The following TRAPPC9 variants were observed in gnomAD, a reference collection of about 807,000 sequenced individuals.
The protein encoded by TRAPPC9 is IKK2 binding protein.
TRAPPC9 carries 83 observed loss-of-function variants against 124.0 expected under a neutral mutation model. The observed-to-expected ratio is 0.67, with a 90% CI of 0.56 to 0.80. The LOEUF (loss-of-function observed/expected upper bound fraction) is 0.80, where lower values mean the gene tolerates loss of function less well. Ranked by LOEUF, TRAPPC9 falls within the 30% of genes least tolerant of loss-of-function variation. The pLI is 0.00. For missense variants in TRAPPC9, 1,302 were observed against 1,508.3 expected (o/e 0.86, Z 2.27); for synonymous variants, 638 against 617.5 (o/e 1.03, Z -0.49).
intron 9 of TRAPPC9, among the ~76,000 whole-genome samples, chr8:140,329,015 G>C (rs138759375): frequency 0.012 from 1,901 of 152,234 alleles, 38 homozygotes; most frequent in African/African-American, 0.044. Flanking sequence ...CTAAAGCACC[G>C]GAGGGTGGAG....
At chr8:140,059,344 T>G (rs542758566) in intron 17 of TRAPPC9, among the ~76,000 whole-genome samples, 1 of 152,230 alleles carries the variant, frequency 6.6e-6, no homozygotes, top group South Asian at 2.1e-4. Flanking sequence ...CAACTATTGA[T>G]TTATATATAG....
intron 17 of TRAPPC9, among the ~76,000 whole-genome samples, chr8:140,032,170 C>T (rs977146689): frequency 4.6e-5 from 7 of 152,172 alleles, no homozygotes; most frequent in Non-Finnish European, 7.3e-5. Flanking sequence ...GCTCCAGCAC[C>T]CATCACACCT....
intron 17 of TRAPPC9, among the ~76,000 whole-genome samples, chr8:140,064,324 G>A (rs1317305792): frequency 2.0e-5 from 3 of 152,146 alleles, no homozygotes; most frequent in African/African-American, 7.2e-5. Context: ...CTAGAGTCCT[G>A]TGCAACATGA....
intron 19 of TRAPPC9, among the ~76,000 whole-genome samples, chr8:139,918,034 G>C (rs1415968879): frequency 1.3e-5 from 2 of 152,220 alleles, no homozygotes; most frequent in African/African-American, 4.8e-5. Flanking sequence ...TGTAGGGCTA[G>C]AGAAAACACT....
chr8:139,919,241 G>C (rs765354213), intron 19 of TRAPPC9, among the ~76,000 whole-genome samples: 1 of 152,226 alleles, frequency 6.6e-6, no homozygotes, highest in African/African-American at 2.4e-5. Context: ...CCGGAGGCAA[G>C]TCACTTGAGT....
intron 5 of TRAPPC9, among the ~76,000 whole-genome samples, chr8:140,421,026 CAGG>C (rs2070183926): frequency 6.6e-6 from 1 of 152,124 alleles, no homozygotes; most frequent in South Asian, 2.1e-4. Context: ...CACTTAAGGC[CAGG>C]AGTTCAAGAA....
intron 21 of TRAPPC9, among the ~76,000 whole-genome samples, chr8:139,762,999 T>C (rs982108914): frequency 1.5e-4 from 23 of 152,338 alleles, no homozygotes; most frequent in Non-Finnish European, 8.8e-5. Flanking sequence ...GCAGGGCCAG[T>C]GCTCACCCTG....
chr8:139,737,720 G>T (rs941436605), intron 21 of TRAPPC9, among the ~76,000 whole-genome samples: 1 of 152,196 alleles, frequency 6.6e-6, no homozygotes, highest in Admixed American at 6.5e-5. Context: ...CTGGAGAACG[G>T]ACTGTCTTGG....
At chr8:140,457,537 C>T in intron 1 of TRAPPC9, 102 bp downstream of exon 1, 2 of 914,548 alleles carry the variant, frequency 2.2e-6, no homozygotes, top group Non-Finnish European at 2.6e-6. Flanking sequence ...GAGGGCCGGG[C>T]GAGCCCCTCC....
At chr8:140,243,467 GA>G (rs2063912261) in intron 16 of TRAPPC9, among the ~76,000 whole-genome samples, 1 of 152,360 alleles carries the variant, frequency 6.6e-6, no homozygotes, top group African/African-American at 2.4e-5. Context: ...GACAACAGCT[GA>G]AACTAGGCAC....
Position 140,190,114 on chromosome 8 carries a change from A to C in TRAPPC9, c.2556+31345T>G, listed in dbSNP as rs551325851. Among the ~76,000 whole-genome samples the C allele has an allele frequency of 1.2e-3, 186 of 152,338 alleles. 2 individuals carry two copies. The highest frequency in any genetic ancestry group is 1.5e-3 in the Non-Finnish European group (105 of 68,042). ...ACCAGGAGCTCTGGTCGGAAACCAGAAGTGAACAAGTTACTAAAACTCTAT... is the reference window on the plus strand; with the variant it reads ...ACCAGGAGCTCTGGTCGGAAACCAGCAGTGAACAAGTTACTAAAACTCTAT... On this transcript the variant is annotated intron_variant, in intron 17 of 22. Transcript: ENST00000438773.
At chr8:140,074,558 G>C (rs1336993929) in intron 17 of TRAPPC9, among the ~76,000 whole-genome samples, 1 of 152,206 alleles carries the variant, frequency 6.6e-6, no homozygotes, top group African/African-American at 2.4e-5. Flanking sequence ...GTTCTTGGCT[G>C]ATGTCGCTGC....
intron 21 of TRAPPC9, among the ~76,000 whole-genome samples, chr8:139,755,516 TCGCAGGAGGAGCCAGGG>T: frequency 7.2e-6 from 1 of 139,398 alleles, no homozygotes; most frequent in African/African-American, 2.8e-5. Flanking sequence ...GGACAGCAGG[TCGCAGGAGGAGCCAGGG>T]TTTGGGGATG....
chr8:140,068,021 T>TC (rs1554617838), intron 17 of TRAPPC9, among the ~76,000 whole-genome samples: 1 of 151,940 alleles, frequency 6.6e-6, no homozygotes, highest in African/African-American at 2.4e-5. Context: ...GTCCATTTTT[T>TC]GTTGCCCGTA....
At chr8:140,265,020 A>G (rs1200635776) in intron 15 of TRAPPC9, among the ~76,000 whole-genome samples, 2 of 152,330 alleles carry the variant, frequency 1.3e-5, no homozygotes, top group Non-Finnish European at 1.5e-5. Flanking sequence ...TGTTCTCGTC[A>G]TCACGCCAGC....
intron 21 of TRAPPC9, among the ~76,000 whole-genome samples, chr8:139,851,206 A>G (rs1827425054): frequency 6.6e-6 from 1 of 152,232 alleles, no homozygotes; most frequent in Non-Finnish European, 1.5e-5. Context: ...ACAACGTACA[A>G]TGGGAGCCGA....
intron 19 of TRAPPC9, among the ~76,000 whole-genome samples, chr8:139,949,298 C>A (rs1181697151): frequency 6.6e-6 from 1 of 152,068 alleles, no homozygotes; most frequent in Admixed American, 6.6e-5. Flanking sequence ...AGAAATAATT[C>A]TCAAGGAGAA....
intron 21 of TRAPPC9, among the ~76,000 whole-genome samples, chr8:139,736,774 A>T (rs7821038): frequency 2.0e-5 from 3 of 152,110 alleles, no homozygotes; most frequent in Admixed American, 6.5e-5. Flanking sequence ...CCCCGTCAGC[A>T]GCAACACCGG....
At chr8:140,317,576 G>A (rs934164901) in intron 9 of TRAPPC9, among the ~76,000 whole-genome samples, 4 of 152,148 alleles carry the variant, frequency 2.6e-5, no homozygotes, top group African/African-American at 9.7e-5. Context: ...GCTTTACAAA[G>A]GACAGGACAA....
Sources: gnomAD v4.1 joint callset for allele counts (sites outside exome capture counted in the v4.1 genomes callset) on GRCh38, gnomAD v4.1.1 for gene constraint, MANE v1.5 for transcripts, NCBI Gene and HGNC (gene_info 2026-07-23, HGNC 2026-07-21) for gene names.